Variants in DNAH2 observed in about 807,000 individuals in gnomAD.
DNAH2 encodes axonemal beta dynein heavy chain 2.
A neutral mutation model predicts 523.5 loss-of-function variants in DNAH2; 323 were observed. That is an observed-to-expected ratio of 0.62 (90% CI 0.56 to 0.68). The LOEUF is 0.68. Ranked by LOEUF, DNAH2 falls within the 30% of genes least tolerant of loss-of-function variation. The pLI is 0.00. For missense variants in DNAH2, 4,907 were observed against 5,701.5 expected (o/e 0.86, Z 4.49); for synonymous variants, 2,093 against 2,177.4 (o/e 0.96, Z 1.08).
chr17:7,797,064 T>C, intron 50 of DNAH2, 112 bp from the exon 51 acceptor site: 3 of 952,650 alleles, frequency 3.1e-6, no homozygotes, highest in Non-Finnish European at 4.8e-6. Context: ...ATTGCACCAC[T>C]GCAGTCCAGC....
chr17:7,786,999 T>C lies in DNAH2; in HGVS notation c.6569T>C (p.Leu2190Pro). The change falls in exon 42 of 86, where the codon CTC becomes CCC. Residue 2190 changes from leucine (L) to proline (P), a missense_variant. Physicochemically the swap from Leu to Pro is moderately conservative, Grantham distance 98 (BLOSUM62 -3). This residue lies in a region of DNAH2 where 2,806 missense variants were observed against 3,190.8 expected (regional missense o/e 0.88). Coordinates refer to ENST00000572933, the MANE Select transcript of DNAH2 (RefSeq NM_020877.5). The surrounding 1 kb of genome is among the most constrained non-coding windows in gnomAD (Gnocchi z 7.5). ...ATGGACGATAACAAGGTGTTGACCC[T>C]CATCAACGGCGAGCGCATCGCGATG... Reference protein sequence around the residue: ...SVMDDNKVLTLINGERIAMPE... With the variant: ...SVMDDNKVLTPINGERIAMPE... 1.2e-6 allele frequency: 2 copies of C among 1,614,184 alleles called. No individual in the cohort carries two copies. Among genetic ancestry groups the C allele is most frequent in the Non-Finnish European group, 1.7e-6 (2 of 1,180,032 alleles).
At position 7,733,239 on chromosome 17, in the gene DNAH2, T is replaced by C; in HGVS notation, c.552T>C (p.Phe184=). The change falls in exon 5 of 86, where the codon TTT becomes TTC. Residue 184 remains phenylalanine, a synonymous_variant. Transcript: ENST00000572933. ...LLGGVFAPQI[F]ANTGWPESIR... The stretch of plus-strand genomic sequence containing the variant: ...GTGGAGTCTTTGCCCCTCAGATCTT[T>C]GCAAACACAGGCTGGCCTGAGAGCA... 6.2e-7 allele frequency: 1 copy of C among 1,614,158 alleles called. No individual in the cohort carries two copies. Among genetic ancestry groups the C allele is most frequent in the Non-Finnish European group, 8.5e-7 (1 of 1,180,024 alleles).
chr17:7,749,953 C>G (rs751065708), intron 12 of DNAH2, among the ~76,000 whole-genome samples: 1 of 152,094 alleles, frequency 6.6e-6, no homozygotes, highest in Non-Finnish European at 1.5e-5. Context: ...GCTGAGATCA[C>G]GCCATTGCAC....
At position 7,833,256 on chromosome 17, in the gene DNAH2, C is replaced by G. The variant is rs749194882; in HGVS notation, c.13129+35C>G. The G allele has an allele frequency of 1.7e-5, 27 of 1,606,352 alleles. No homozygotes were observed. The Admixed American group carries it at 3.2e-4, about 19-fold the overall frequency. On this transcript the variant is annotated intron_variant, in intron 85 of 85. Transcript: ENST00000572933. ...CTCCCCAGGCAGGACCTGCCTGCCCCGTCCCTAGTTTGGAACTTAACCCAT... is the reference window on the plus strand; with the variant it reads ...CTCCCCAGGCAGGACCTGCCTGCCCGGTCCCTAGTTTGGAACTTAACCCAT...
intron 11 of DNAH2, among the ~76,000 whole-genome samples, chr17:7,741,648 G>A (rs1170759549): frequency 2.0e-5 from 3 of 150,570 alleles, no homozygotes; most frequent in African/African-American, 2.4e-5. Flanking sequence ...GTGAGCCACC[G>A]CGCCCGGCTT....
chr17:7,753,835 C>T (rs1567642610), intron 12 of DNAH2, among the ~76,000 whole-genome samples: 1 of 152,062 alleles, frequency 6.6e-6, no homozygotes. Context: ...ATAGTCCCAG[C>T]TACTCGGAAG....
In DNAH2 at chr17:7,737,919, T is replaced by C. The variant is rs766937902; in HGVS notation, c.1170+661T>C. ...AGGGGGATGCAGAGAAGGAGTTGGG[T>C]GTCAAGGAGGTGGGGACAGAGGCTG... On this transcript the variant is annotated intron_variant, in intron 8 of 85. Coordinates refer to ENST00000572933, the MANE Select transcript of DNAH2 (RefSeq NM_020877.5). 4 of 697,930 alleles carry C rather than the reference T, an allele frequency of 5.7e-6. No individual in the cohort carries two copies. The South Asian group carries it at 5.9e-5, about 10-fold the overall frequency. The allele number at this position is 697,930 out of a possible 1,614,324, so 43.2% of individuals were successfully genotyped here.
At chr17:7,792,450 G>T in intron 46 of DNAH2, 107 bp downstream of exon 46, 7 of 1,236,094 alleles carry the variant, frequency 5.7e-6, no homozygotes, top group Non-Finnish European at 8.2e-6. Context: ...GAAGGAGAAG[G>T]TGGGTCCCAG....
chr17:7,779,394 C>T lies in DNAH2; in HGVS notation c.5693C>T (p.Ser1898Phe). Residue 1898 changes from serine (S) to phenylalanine (F), a missense_variant, in exon 36 of 86, where the codon TCC (serine) becomes TTC (phenylalanine). Around this residue, in one of 3 missense-constraint regions of DNAH2, gnomAD observed 2,806 missense variants for 3,190.8 expected, o/e 0.88. Coordinates refer to ENST00000572933, the MANE Select transcript of DNAH2 (RefSeq NM_020877.5). ...FDGFEINLVWSCGIFITMNPG... is the reference protein window; with the variant it reads ...FDGFEINLVWFCGIFITMNPG... ...GGCTTTGAAATAAATCTGGTGTGGT[C>T]CTGTGGGATCTTCATTACCATGAAT... The T allele has an allele frequency of 8.7e-6, 14 of 1,613,830 alleles. No individual in the cohort carries two copies. The highest frequency in any genetic ancestry group is 1.2e-5 in the Non-Finnish European group (14 of 1,179,922).
chr17:7,801,124 T>C (rs1409531927), intron 56 of DNAH2, among the ~76,000 whole-genome samples: 1 of 151,906 alleles, frequency 6.6e-6, no homozygotes, highest in Non-Finnish European at 1.5e-5. Flanking sequence ...CCACCTGCCT[T>C]GGCCTCCCAA....
rs780780819 is a variant in DNAH2, at chr17:7,757,060, C to A, written c.1905-31C>A. 4 of 1,612,988 alleles carry A rather than the reference C, an allele frequency of 2.5e-6. No individual in the cohort carries two copies. In the South Asian group the frequency reaches 4.4e-5, roughly 18 times the overall value. ...GCTCTAGTTTATCCCCTCGTGCGGT[C>A]CCCTCACTGCCTGGCTGCTCTCTCT... is the stretch of plus-strand genomic sequence containing the variant. On this transcript the variant is annotated intron_variant, in intron 12 of 85. Transcript: ENST00000572933.
chr17:7,794,192 G>A, intron 48 of DNAH2, 62 bp from the exon 49 acceptor site: 1 of 1,258,148 alleles, frequency 7.9e-7, no homozygotes, highest in Non-Finnish European at 1.1e-6. Flanking sequence ...CCTGGCCTGT[G>A]TCGGCGCCTC....
At position 7,737,276 on chromosome 17, in the gene DNAH2, G is replaced by A. The variant is rs768676069; in HGVS notation, c.1170+18G>A. 8.7e-6 allele frequency: 14 copies of A among 1,609,340 alleles called. No homozygotes were observed. The South Asian group carries it at 1.4e-4, about 16-fold the overall frequency. On this transcript the variant is annotated intron_variant, in intron 8 of 85. Transcript: ENST00000572933. Reference sequence around the variant, plus strand: ...TCCGAAAGGTGTGCATATGCTGAGGGTGGGATGGAGGGGTTTATGAGGGTG... The same window carrying A: ...TCCGAAAGGTGTGCATATGCTGAGGATGGGATGGAGGGGTTTATGAGGGTG...
chr17:7,726,301 C>A (rs1263259898), intron 3 of DNAH2, among the ~76,000 whole-genome samples: 1 of 104,914 alleles, frequency 9.5e-6, no homozygotes, highest in Non-Finnish European at 2.1e-5. Flanking sequence ...CCACCATACC[C>A]AGCTAATTTT....
Position 7,775,238 on chromosome 17 carries a change from C to T in DNAH2, c.4720-3C>T. The stretch of plus-strand genomic sequence containing the variant: ...GGCTCTGAGTAGCTTCTGCTTTCTG[C>T]AGGTTGGAGGGCCCAGCAGCAAATG... On this transcript the variant is annotated splice_region_variant and splice_polypyrimidine_tract_variant and intron_variant, in intron 29 of 85. Transcript: ENST00000572933. 6.2e-7 allele frequency: 1 copy of T among 1,611,630 alleles called. No individual in the cohort carries two copies.
rs191350668 is a variant in DNAH2 at position 7,818,575 on chromosome 17, G to A, written c.10537-68G>A. 1.5e-4 allele frequency: 239 copies of A among 1,604,666 alleles called. 1 individual carries two copies. Among genetic ancestry groups the A allele is most frequent in the Middle Eastern group, 3.3e-4 (2 of 6,016 alleles). On this transcript the variant is annotated intron_variant, in intron 69 of 85. Transcript: ENST00000572933. ...CTGAGGATGAGGGGTCTTTCAAGGT[G>A]GAAAGAGATGAGGAAGGTGAAGGTC...
At chr17:7,803,130 A>T (rs2077269604) in intron 58 of DNAH2, among the ~76,000 whole-genome samples, 1 of 152,138 alleles carries the variant, frequency 6.6e-6, no homozygotes, top group South Asian at 2.1e-4. Context: ...ATATAACTCA[A>T]GTCTGAAATG....
chr17:7,818,670 G>T lies in DNAH2; in HGVS notation c.10564G>T (p.Val3522Leu), dbSNP rs201086789. Residue 3522 changes from valine to leucine, a missense_variant, in exon 70 of 86, where the codon GTG becomes TTG. Val to Leu is a conservative substitution (Grantham distance 32, BLOSUM62 1). Around this residue, in one of 3 missense-constraint regions of DNAH2, gnomAD observed 1,851 missense variants for 2,139.4 expected, o/e 0.87. Transcript: ENST00000572933. ...CCTGGAGGCCCAGCTGCTGGGCATTGTGGTGCGGAAGGAGCGGCCTGAGCT... is the reference window on the plus strand; with the variant it reads ...CCTGGAGGCCCAGCTGCTGGGCATTTTGGTGCGGAAGGAGCGGCCTGAGCT... Reference protein sequence around the residue: ...QGLEAQLLGIVVRKERPELEE... With the variant: ...QGLEAQLLGILVRKERPELEE... 1 of 1,614,078 alleles carries T rather than the reference G, an allele frequency of 6.2e-7. No individual in the cohort carries two copies. The highest frequency in any genetic ancestry group is 8.5e-7 in the Non-Finnish European group (1 of 1,180,012).
At chr17:7,776,997 A>C (rs984119058) in intron 32 of DNAH2, 108 bp downstream of exon 32, 37 of 873,274 alleles carry the variant, frequency 4.2e-5, no homozygotes, top group Non-Finnish European at 5.8e-5. Flanking sequence ...CAGCCTGGGC[A>C]ATATGGCGAA....
Sources: gnomAD v4.1 joint callset for allele counts (sites outside exome capture counted in the v4.1 genomes callset) on GRCh38, gnomAD v4.1.1 for gene constraint, gnomAD v4.1.1 regional missense constraint, Gnocchi (gnomAD v3.1) non-coding constraint, MANE v1.5 for transcripts, NCBI Gene and HGNC (gene_info 2026-07-23, HGNC 2026-07-21) for gene names.